CLIP2: variants seen among roughly 807,000 people sequenced by gnomAD.
CLIP2 encodes the protein CAP-Gly domain containing linker protein 2.
CLIP2 carries 41 observed loss-of-function variants against 111.7 expected under a neutral mutation model. That is an observed-to-expected ratio of 0.37 (90% CI 0.29 to 0.48). The LOEUF (loss-of-function observed/expected upper bound fraction) is 0.48, where lower values mean the gene tolerates loss of function less well. CLIP2 is among the 20% of genes least tolerant of loss of function. CLIP2 has a pLI of 0.99. For synonymous variants in CLIP2, 660 were observed against 644.2 expected, an observed-to-expected ratio of 1.02 and a Z score of -0.37; for missense variants, 1,160 against 1,422.1, an observed-to-expected ratio of 0.82 and a Z score of 2.96.
chr7:74,292,081 C>A (rs1554725478), intron 1 of CLIP2, among the ~76,000 whole-genome samples: 2 of 152,122 alleles, frequency 1.3e-5, no homozygotes, highest in Non-Finnish European at 2.9e-5. Flanking sequence ...GCCACCATGT[C>A]CGGCTAATTT....
intron 3 of CLIP2, among the ~76,000 whole-genome samples, chr7:74,351,012 G>GAGA (rs1789974727): frequency 6.9e-6 from 1 of 143,906 alleles, no homozygotes. Flanking sequence ...GAGAAAGAAA[G>GAGA]AAGGAAGGAA....
chr7:74,396,412 A>G (rs1334689147), intron 13 of CLIP2, among the ~76,000 whole-genome samples: 1 of 152,208 alleles, frequency 6.6e-6, no homozygotes, highest in Admixed American at 6.6e-5. Context: ...TTAAAAATAG[A>G]TAAAATGTCT....
intron 2 of CLIP2, among the ~76,000 whole-genome samples, chr7:74,329,684 G>A (rs577839999): frequency 1.5e-5 from 2 of 132,140 alleles, no homozygotes; most frequent in South Asian, 2.5e-4. Context: ...CAAACCACTG[G>A]GGCAGAGGGC....
chr7:74,403,214 CA>C (rs35885639), intron 16 of CLIP2, among the ~76,000 whole-genome samples: 77,594 of 113,030 alleles, frequency 0.69, 24,957 homozygotes, highest in Middle Eastern at 0.74. Context: ...GAGACTGTCT[CA>C]AAAAAAAAAA....
rs1473418165 is a variant in CLIP2, at chr7:74,303,897, G to A, written c.-67-13583G>A. 1.3e-4 allele frequency among the ~76,000 whole-genome samples: 18 copies of A among 135,080 alleles called. No individual in the cohort carries two copies. In the South Asian group the frequency reaches 2.7e-3, roughly 20 times the overall value. The allele number at this position is 135,080 out of a possible 152,430, so 88.6% of individuals were successfully genotyped here. The stretch of plus-strand genomic sequence containing the variant: ...ACTGCACTCCAGAATGGGTGACAGA[G>A]TGAGACTCGGTCTCAAAAAAAAAAA... On this transcript the variant is annotated intron_variant, in intron 1 of 16. Coordinates refer to ENST00000223398, the MANE Select transcript of CLIP2 (RefSeq NM_003388.5).
Position 74,400,528 on chromosome 7 carries a change from C to T in CLIP2, c.3039C>T (p.Ala1013=). 1 of 1,599,856 alleles carries T rather than the reference C, an allele frequency of 6.3e-7. No homozygotes were observed. Among genetic ancestry groups the T allele is most frequent in the East Asian group, 2.3e-5 (1 of 44,082 alleles). ...AGCAGGTGGAGAAGCTGATGGAGGC[C>T]ATGAGGAGCTGCCCTGACAAGGCCC... The part of the protein sequence containing the change: ...QAQQVEKLME[A]MRSCPDKAQT... The change falls in exon 15 of 17, where the codon GCC becomes GCT. Residue 1013 remains alanine (A), a synonymous_variant. Transcript: ENST00000223398.
chr7:74,352,314 G>A (rs1440399141), intron 3 of CLIP2, among the ~76,000 whole-genome samples: 1 of 151,994 alleles, frequency 6.6e-6, no homozygotes, highest in African/African-American at 2.4e-5. Context: ...GTGCATGCCT[G>A]TAGTCTCAGC....
chr7:74,360,231 G>A lies in CLIP2; in HGVS notation c.1272G>A (p.Val424=). The change falls in exon 7 of 17, where the codon GTG becomes GTA. Residue 424 remains valine, a synonymous_variant. Coordinates refer to ENST00000223398, the MANE Select transcript of CLIP2 (RefSeq NM_003388.5). The stretch of plus-strand genomic sequence containing the variant: ...GAGCCCGGCTGCTCGTGGAGAGCGT[G>A]CGGAAAGAGAAGGTGGACCTGTCCA... ...LQRARLLVES[V]RKEKVDLSNQ... 1 of 1,607,976 alleles carries A rather than the reference G, an allele frequency of 6.2e-7. No homozygotes were observed. Among genetic ancestry groups the A allele is most frequent in the Middle Eastern group, 1.7e-4 (1 of 6,052 alleles).
At chr7:74,344,525 A>G (rs371802328) in intron 3 of CLIP2, among the ~76,000 whole-genome samples, 6 of 151,842 alleles carry the variant, frequency 4.0e-5, no homozygotes, top group Non-Finnish European at 8.8e-5. Flanking sequence ...GGGACTACAG[A>G]TGTGCACCAC....
intron 1 of CLIP2, among the ~76,000 whole-genome samples, chr7:74,293,912 C>CT (rs1460804520): frequency 5.7e-4 from 85 of 149,890 alleles, no homozygotes; most frequent in African/African-American, 2.0e-3. Context: ...GGGACTCGGG[C>CT]TTTTTTTTTG....
At chr7:74,368,631 C>T (rs1790522466) in intron 8 of CLIP2, among the ~76,000 whole-genome samples, 1 of 152,086 alleles carries the variant, frequency 6.6e-6, no homozygotes, top group South Asian at 2.1e-4. Context: ...CAGCTGCTTC[C>T]CTGGACCAGG....
intron 2 of CLIP2, among the ~76,000 whole-genome samples, chr7:74,323,243 TG>T (rs1554730244): frequency 6.6e-6 from 1 of 151,612 alleles, no homozygotes; most frequent in Non-Finnish European, 1.5e-5. Context: ...CCTAAGTAGC[TG>T]GGACCATAGG....
intron 1 of CLIP2, among the ~76,000 whole-genome samples, chr7:74,301,637 C>T (rs1788337975): frequency 6.6e-6 from 1 of 151,778 alleles, no homozygotes; most frequent in South Asian, 2.1e-4. Context: ...GGTGATCCGC[C>T]CACCTCCACC....
intron 2 of CLIP2, among the ~76,000 whole-genome samples, chr7:74,329,616 C>T (rs556229291): frequency 6.6e-6 from 1 of 152,154 alleles, no homozygotes; most frequent in Admixed American, 6.6e-5. Context: ...GAGCTATGTT[C>T]TGTGGAACAT....
Position 74,386,510 on chromosome 7 carries a change from C to A in CLIP2, c.2480-11C>A. ...AGCATTGATGCTTCTCGTCTCTCCT[C>A]TCTCCCCTAGGCCTGCAGGACAAGC... On this transcript the variant is annotated splice_polypyrimidine_tract_variant and intron_variant, in intron 11 of 16. Coordinates refer to ENST00000223398, the MANE Select transcript of CLIP2 (RefSeq NM_003388.5). The A allele has an allele frequency of 6.2e-7, 1 of 1,610,816 alleles. No homozygotes were observed. The highest frequency in any genetic ancestry group is 8.5e-7 in the Non-Finnish European group (1 of 1,178,178).
intron 1 of CLIP2, among the ~76,000 whole-genome samples, chr7:74,313,712 G>A (rs1180581965): frequency 2.0e-5 from 3 of 152,108 alleles, no homozygotes; most frequent in African/African-American, 7.2e-5. Context: ...GCAGCTTCTG[G>A]CTTCCATCCT....
chr7:74,381,021 C>G, intron 11 of CLIP2, 158 bp downstream of exon 11: 1 of 657,322 alleles, frequency 1.5e-6, no homozygotes, highest in East Asian at 2.7e-5. Flanking sequence ...GGGAGGAGGC[C>G]AGTTTACGGA....
At chr7:74,346,339 T>C (rs1371926661) in intron 3 of CLIP2, among the ~76,000 whole-genome samples, 3 of 152,098 alleles carry the variant, frequency 2.0e-5, no homozygotes, top group Admixed American at 6.6e-5. Flanking sequence ...GCAATCAGTG[T>C]CCATCCGGAA....
intron 3 of CLIP2, among the ~76,000 whole-genome samples, chr7:74,353,218 C>T (rs1790057082): frequency 6.6e-6 from 1 of 150,568 alleles, no homozygotes; most frequent in South Asian, 2.1e-4. Flanking sequence ...ATATACTAGA[C>T]ACCGTATATA....
Sources: gnomAD v4.1 joint callset for allele counts (sites outside exome capture counted in the v4.1 genomes callset) on GRCh38, gnomAD v4.1.1 for gene constraint, MANE v1.5 for transcripts, NCBI Gene and HGNC (gene_info 2026-07-23, HGNC 2026-07-21) for gene names.